The following AP4E1 variants were observed in gnomAD, a reference collection of about 807,000 sequenced individuals.
AP4E1 encodes the protein AP-4 complex subunit epsilon-1.
In AP4E1, 56 loss-of-function variants were observed where a neutral mutation model predicts 128.2. That is an observed-to-expected ratio of 0.44 (90% CI 0.35 to 0.55). AP4E1 has a LOEUF of 0.55. AP4E1 is among the 20% of genes least tolerant of loss of function. AP4E1 has a pLI of 0.00. For missense variants in AP4E1, 1,324 were observed against 1,307.7 expected, an observed-to-expected ratio of 1.01 and a Z score of -0.19; for synonymous variants, 484 against 473.1, an observed-to-expected ratio of 1.02 and a Z score of -0.30.
chr15:50,989,294 A>T (rs1013256435), intron 16 of AP4E1, among the ~76,000 whole-genome samples: 1 of 152,210 alleles, frequency 6.6e-6, no homozygotes, highest in East Asian at 1.9e-4. Flanking sequence ...ACTTTAAAGG[A>T]TGACATTTGA....
At chr15:50,970,115 A>G (rs1030476443) in intron 15 of AP4E1, among the ~76,000 whole-genome samples, 6 of 152,086 alleles carry the variant, frequency 3.9e-5, no homozygotes, top group South Asian at 2.1e-4. Flanking sequence ...CCTAGCGCCT[A>G]GTATCCTCTA....
At chr15:50,983,990 T>C (rs774514193) in intron 15 of AP4E1, 32 bp from the exon 16 acceptor site, 15 of 1,606,832 alleles carry the variant, frequency 9.3e-6, no homozygotes, top group Non-Finnish European at 1.3e-5. Flanking sequence ...TTGTTTTAAA[T>C]ATGAACCTCT....
intron 16 of AP4E1, among the ~76,000 whole-genome samples, chr15:50,990,376 T>TA: frequency 1.3e-5 from 2 of 149,416 alleles, no homozygotes; most frequent in Non-Finnish European, 3.0e-5. Flanking sequence ...TTATTATTAT[T>TA]TGAGACAAGT....
intron 8 of AP4E1, 92 bp from the exon 9 acceptor site, chr15:50,941,350 T>G: frequency 7.0e-7 from 1 of 1,428,694 alleles, no homozygotes; most frequent in Non-Finnish European, 9.7e-7. Context: ...TAAAATGGAC[T>G]TTCCAATTAG....
At chr15:50,913,105 T>TA (rs368645403) in intron 2 of AP4E1, among the ~76,000 whole-genome samples, 2 of 152,210 alleles carry the variant, frequency 1.3e-5, no homozygotes, top group Non-Finnish European at 2.9e-5. Context: ...TCATTTTGCA[T>TA]AAGCACATGA....
In AP4E1 at chr15:50,908,731, G is replaced by C. The variant is rs2063527300; in HGVS notation, c.-48G>C. On this transcript the variant is annotated 5_prime_UTR_variant, in exon 1 of 21. Coordinates refer to ENST00000261842, the MANE Select transcript of AP4E1 (RefSeq NM_007347.5). Reference sequence around the variant, plus strand: ...CAGCGGCGGCCGGGCATGAAGCCGGGCGGCTACGGGATCGCGGGCGGCGGC... The same window carrying C: ...CAGCGGCGGCCGGGCATGAAGCCGGCCGGCTACGGGATCGCGGGCGGCGGC... The C allele has an allele frequency of 1.4e-6, 2 of 1,479,662 alleles. No individual in the cohort carries two copies. The highest frequency in any genetic ancestry group is 2.9e-5 in the African/African-American group (2 of 67,908). 91.7% of individuals were successfully genotyped at this position (1,479,662 alleles called of 1,614,324 possible).
At chr15:50,974,084 G>T (rs2064519090) in intron 15 of AP4E1, among the ~76,000 whole-genome samples, 1 of 152,074 alleles carries the variant, frequency 6.6e-6, no homozygotes, top group African/African-American at 2.4e-5. Flanking sequence ...TCCTGCCTCA[G>T]CCTCCTGGGT....
In AP4E1 at chr15:51,002,831, T is replaced by A; in HGVS notation, c.*169T>A. On this transcript the variant is annotated 3_prime_UTR_variant, in exon 21 of 21. Coordinates refer to ENST00000261842, the MANE Select transcript of AP4E1 (RefSeq NM_007347.5). Reference sequence around the variant, plus strand: ...TGGTCAAGAAAGATCCCCAAAACTGTATCCCTAACCTTTAACTCAGGATTG... The same window carrying A: ...TGGTCAAGAAAGATCCCCAAAACTGAATCCCTAACCTTTAACTCAGGATTG... 1.2e-6 allele frequency: 1 copy of A among 838,812 alleles called. No individual in the cohort carries two copies. Among genetic ancestry groups the A allele is most frequent in the Non-Finnish European group, 1.9e-6 (1 of 535,436 alleles). The allele number at this position is 838,812 out of a possible 1,614,324, so 52.0% of individuals were successfully genotyped here. A position where few individuals can be genotyped will look rare whatever the true frequency, so the allele number is the denominator to read the frequency against.
chr15:50,939,811 T>G (rs1277957938), intron 8 of AP4E1, among the ~76,000 whole-genome samples: 1 of 152,198 alleles, frequency 6.6e-6, no homozygotes, highest in African/African-American at 2.4e-5. Flanking sequence ...TCAGTTATGT[T>G]GGAAAATGGA....
rs186065235 is a variant in AP4E1 at position 50,971,264 on chromosome 15, T to G, written c.1966+2887T>G. 8.5e-5 allele frequency among the ~76,000 whole-genome samples: 13 copies of G among 152,334 alleles called. No homozygotes were observed. The East Asian group carries it at 2.5e-3, about 29-fold the overall frequency. ...CTTTTTTCTTTTAGTACTTTGAATA[T>G]ATCATCCCATTTTCTCCTGGCCTCT... On this transcript the variant is annotated intron_variant, in intron 15 of 20. Coordinates refer to ENST00000261842, the MANE Select transcript of AP4E1 (RefSeq NM_007347.5).
At chr15:50,945,066 T>C (rs2064039334) in intron 10 of AP4E1, 2 of 781,020 alleles carry the variant, frequency 2.6e-6, no homozygotes, top group Non-Finnish European at 4.7e-6. Context: ...TGTGAAACAA[T>C]GGAAAATGGA....
At chr15:50,988,752 G>A (rs986658082) in intron 16 of AP4E1, among the ~76,000 whole-genome samples, 2 of 152,138 alleles carry the variant, frequency 1.3e-5, no homozygotes, top group Non-Finnish European at 2.9e-5. Flanking sequence ...TCACACCGTT[G>A]TAAAGCCAAA....
chr15:50,914,466 C>T (rs1215034692), intron 2 of AP4E1, among the ~76,000 whole-genome samples: 1 of 151,922 alleles, frequency 6.6e-6, no homozygotes, highest in Non-Finnish European at 1.5e-5. Flanking sequence ...GCCTGGCCAA[C>T]ATGGTGAAAC....
intron 16 of AP4E1, among the ~76,000 whole-genome samples, chr15:50,985,823 AG>A (rs1418415494): frequency 6.6e-6 from 1 of 152,162 alleles, no homozygotes; most frequent in Non-Finnish European, 1.5e-5. Flanking sequence ...TGAACTTTAA[AG>A]TAGTTTTTTC....
chr15:50,934,798 AC>A, intron 8 of AP4E1, 101 bp downstream of exon 8: 1 of 761,862 alleles, frequency 1.3e-6, no homozygotes, highest in Non-Finnish European at 2.2e-6. Context: ...AGAATTTTAT[AC>A]ACTGATTTTA....
chr15:50,956,166 C>T (rs2064220452), intron 13 of AP4E1, among the ~76,000 whole-genome samples: 1 of 152,142 alleles, frequency 6.6e-6, no homozygotes. Flanking sequence ...TCTCCATCTT[C>T]CCAGAAGCAG....
intron 10 of AP4E1, among the ~76,000 whole-genome samples, chr15:50,942,888 G>T (rs1005849630): frequency 7.9e-5 from 12 of 151,880 alleles, no homozygotes; most frequent in Admixed American, 6.6e-5. Context: ...GATTTAAAAA[G>T]AATTTTTTAA....
chr15:50,939,939 G>A (rs572190537), intron 8 of AP4E1, among the ~76,000 whole-genome samples: 219 of 152,192 alleles, frequency 1.4e-3, no homozygotes, highest in African/African-American at 5.1e-3. Flanking sequence ...GGTTTCTGTC[G>A]CATATTCTCC....
At chr15:50,966,996 T>A (rs980047566) in intron 14 of AP4E1, among the ~76,000 whole-genome samples, 13 of 152,248 alleles carry the variant, frequency 8.5e-5, no homozygotes, top group African/African-American at 3.1e-4. Context: ...CACTGCTCTC[T>A]CCACTTGTTT....
Sources: allele counts gnomAD v4.1 joint callset (sites outside exome capture counted in the v4.1 genomes callset), GRCh38; gene constraint gnomAD v4.1.1; transcripts MANE v1.5; gene names NCBI Gene and HGNC (gene_info 2026-07-23, HGNC 2026-07-21).